PALLD: variants seen among roughly 807,000 people sequenced by gnomAD.
PALLD encodes palladin.
PALLD carries 61 observed loss-of-function variants against 123.5 expected under a neutral mutation model. The ratio of observed to expected loss-of-function variants is 0.49; its 90% confidence interval spans 0.40 to 0.61. The LOEUF (loss-of-function observed/expected upper bound fraction) is 0.61. Among genes scored for constraint, PALLD ranks in the 20% least tolerant of loss-of-function variants. PALLD has a pLI of 0.00. For missense variants in PALLD, 1,273 were observed against 1,377.0 expected (o/e 0.92, Z 1.20); for synonymous variants, 465 against 496.4 (o/e 0.94, Z 0.84).
At chr4:168,738,339 C>A (rs963503733) in intron 10 of PALLD, among the ~76,000 whole-genome samples, 1 of 152,212 alleles carries the variant, frequency 6.6e-6, no homozygotes, top group African/African-American at 2.4e-5. Flanking sequence ...ACAGAGCATA[C>A]ACGAGACTTG....
intron 10 of PALLD, among the ~76,000 whole-genome samples, chr4:168,717,772 A>G (rs367573161): frequency 6.6e-6 from 1 of 152,250 alleles, no homozygotes; most frequent in Non-Finnish European, 1.5e-5. Context: ...CCAAATGAGT[A>G]TGAAGAATTA....
intron 9 of PALLD, among the ~76,000 whole-genome samples, chr4:168,709,432 C>CAG (rs1784513931): frequency 6.7e-6 from 1 of 150,328 alleles, no homozygotes; most frequent in Admixed American, 6.7e-5. Context: ...ATCACTTGAA[C>CAG]CCAGAAGGTG....
intron 2 of PALLD, among the ~76,000 whole-genome samples, chr4:168,563,762 A>G (rs1371214043): frequency 6.6e-6 from 1 of 152,212 alleles, no homozygotes; most frequent in East Asian, 1.9e-4. Context: ...TCTCCATTAT[A>G]TAAATCTCTT....
chr4:168,900,056 G>C (rs115012634), intron 14 of PALLD, among the ~76,000 whole-genome samples: 28 of 152,320 alleles, frequency 1.8e-4, no homozygotes, highest in African/African-American at 6.7e-4. Context: ...CGAAAAAGGT[G>C]AATCACACAG....
intron 2 of PALLD, among the ~76,000 whole-genome samples, chr4:168,610,317 C>T (rs1580564942): frequency 6.6e-6 from 1 of 152,180 alleles, no homozygotes; most frequent in East Asian, 1.9e-4. Flanking sequence ...GGGCTAGAAG[C>T]CAGGGCCTCC....
At chr4:168,568,441 T>G (rs973378114) in intron 2 of PALLD, among the ~76,000 whole-genome samples, 7 of 152,036 alleles carry the variant, frequency 4.6e-5, no homozygotes, top group Non-Finnish European at 4.4e-5. Context: ...AGTCTTTCCT[T>G]CACACAATCC....
Position 168,511,710 on chromosome 4 carries a change from G to C in PALLD, c.206G>C (p.Ser69Thr), listed in dbSNP as rs753135522. 1.2e-6 allele frequency: 2 copies of C among 1,614,062 alleles called. No individual in the cohort carries two copies. Among genetic ancestry groups the C allele is most frequent in the Admixed American group, 1.7e-5 (1 of 60,006 alleles). Residue 69 changes from serine (S) to threonine (T), a missense_variant, in exon 2 of 22, where the codon AGT becomes ACT. Physicochemically the swap from Ser to Thr is moderately conservative, Grantham distance 58. This residue lies in a region of PALLD where 944 missense variants were observed against 954.5 expected (regional missense o/e 0.99). Coordinates refer to ENST00000505667, the MANE Select transcript of PALLD (RefSeq NM_001166108.2). ...GAAAAGGAGATCTCGCAGATTTTCAGTACTTCTCCTGCAAGCCTCTGTGAA... is the reference window on the plus strand; with the variant it reads ...GAAAAGGAGATCTCGCAGATTTTCACTACTTCTCCTGCAAGCCTCTGTGAA... ...DSEKEISQIF[S>T]TSPASLCEHP...
chr4:168,691,320 T>A, intron 8 of PALLD, 28 bp downstream of exon 8: 1 of 1,595,484 alleles, frequency 6.3e-7, no homozygotes, highest in South Asian at 1.1e-5. Context: ...GTTTTTTTTT[T>A]TGGTGGTGGG....
At chr4:168,789,557 T>C (rs1403294632) in intron 10 of PALLD, among the ~76,000 whole-genome samples, 1 of 151,960 alleles carries the variant, frequency 6.6e-6, no homozygotes, top group Non-Finnish European at 1.5e-5. Flanking sequence ...ATACAAAAAT[T>C]AGCTGGGCGT....
At chr4:168,885,889 T>C (rs1443792756) in intron 10 of PALLD, among the ~76,000 whole-genome samples, 2 of 152,260 alleles carry the variant, frequency 1.3e-5, no homozygotes, top group African/African-American at 4.8e-5. Context: ...ACCATTGCTA[T>C]AAATTGTCCT....
At chr4:168,879,345 C>CT (rs918048917) in intron 10 of PALLD, among the ~76,000 whole-genome samples, 1 of 152,152 alleles carries the variant, frequency 6.6e-6, no homozygotes, top group African/African-American at 2.4e-5. Flanking sequence ...TGAGTAAATG[C>CT]TAGTACTTAC....
intron 15 of PALLD, chr4:168,904,160 A>G (rs947147625): frequency 6.4e-6 from 3 of 466,370 alleles, no homozygotes; most frequent in Non-Finnish European, 1.2e-5. Flanking sequence ...CACACTTTCT[A>G]TGTGGGTGAT....
At chr4:168,529,369 A>C (rs923455656) in intron 2 of PALLD, among the ~76,000 whole-genome samples, 1 of 152,024 alleles carries the variant, frequency 6.6e-6, no homozygotes, top group African/African-American at 2.4e-5. Flanking sequence ...TTTTCTCTTC[A>C]AAATCTGACT....
chr4:168,913,297 C>T (rs1036370812), intron 15 of PALLD, among the ~76,000 whole-genome samples: 7 of 151,996 alleles, frequency 4.6e-5, no homozygotes, highest in African/African-American at 1.2e-4. Context: ...CCACCACGCC[C>T]GGCTAATTTT....
chr4:168,561,587 C>T (rs538040835), intron 2 of PALLD, among the ~76,000 whole-genome samples: 1 of 152,302 alleles, frequency 6.6e-6, no homozygotes, highest in South Asian at 2.1e-4. Flanking sequence ...AGATGACCAA[C>T]TTTCAAAAAT....
chr4:168,658,285 G>GTTTTTTTTTTTTTTT (rs66527351), intron 2 of PALLD, among the ~76,000 whole-genome samples: 1 of 131,646 alleles, frequency 7.6e-6, no homozygotes, highest in Non-Finnish European at 1.6e-5. Context: ...TTTTTATTTG[G>GTTTTTTTTTTTTTTT]TTTTTTTTTT....
intron 10 of PALLD, among the ~76,000 whole-genome samples, chr4:168,823,923 A>G (rs1363292863): frequency 1.3e-5 from 2 of 152,254 alleles, no homozygotes; most frequent in African/African-American, 2.4e-5. Flanking sequence ...ATTGCTACAC[A>G]AAGCTTTCTT....
intron 10 of PALLD, among the ~76,000 whole-genome samples, chr4:168,718,594 T>C (rs1785604154): frequency 6.6e-6 from 1 of 152,236 alleles, no homozygotes; most frequent in Admixed American, 6.5e-5. Context: ...GTTAAAAGTA[T>C]AAAGAAATAT....
chr4:168,911,286 CAAGTTT>C (rs1758887399), intron 15 of PALLD, among the ~76,000 whole-genome samples: 1 of 152,208 alleles, frequency 6.6e-6, no homozygotes, highest in South Asian at 2.1e-4. Flanking sequence ...TTTCCAAATT[CAAGTTT>C]AAGTCTGAAT....
Sources: allele counts gnomAD v4.1 joint callset (sites outside exome capture counted in the v4.1 genomes callset), GRCh38; gene constraint gnomAD v4.1.1; regional missense constraint gnomAD v4.1.1; transcripts MANE v1.5; gene names NCBI Gene and HGNC (gene_info 2026-07-23, HGNC 2026-07-21).